NSMCE2: variants seen among roughly 807,000 people sequenced by gnomAD.
NSMCE2 encodes E3 SUMO-protein ligase NSE2.
NSMCE2 carries 24 observed loss-of-function variants against 23.8 expected under a neutral mutation model. The observed-to-expected ratio is 1.01, with a 90% confidence interval of 0.73 to 1.42. The LOEUF is 1.42. Ranked by LOEUF, NSMCE2 falls within the 40% of genes most tolerant of loss-of-function variation. NSMCE2 has a pLI of 0.00. For missense variants in NSMCE2, 284 were observed against 296.5 expected (o/e 0.96, Z 0.31); for synonymous variants, 92 against 94.1 (o/e 0.98, Z 0.13).
intron 5 of NSMCE2, among the ~76,000 whole-genome samples, chr8:125,355,824 A>G (rs1052247555): frequency 2.0e-5 from 3 of 151,310 alleles, no homozygotes; most frequent in African/African-American, 7.3e-5. Flanking sequence ...AATGTTGTCT[A>G]TCATCTGTTT....
intron 5 of NSMCE2, among the ~76,000 whole-genome samples, chr8:125,275,050 C>T (rs1461628922): frequency 6.7e-6 from 1 of 149,602 alleles, no homozygotes; most frequent in Non-Finnish European, 1.5e-5. Flanking sequence ...GAATAATATC[C>T]TAGGTGGCTT....
At chr8:125,138,158 G>A (rs547324007) in intron 3 of NSMCE2, among the ~76,000 whole-genome samples, 1 of 152,282 alleles carries the variant, frequency 6.6e-6, no homozygotes, top group Admixed American at 6.5e-5. Flanking sequence ...GTAAAAGTCA[G>A]CAGTACTAAT....
At chr8:125,313,192 A>AAGAG (rs768202872) in intron 5 of NSMCE2, among the ~76,000 whole-genome samples, 2 of 148,916 alleles carry the variant, frequency 1.3e-5, no homozygotes, top group African/African-American at 4.9e-5. Context: ...AGGAGAAAGA[A>AAGAG]AGAGAGAGAG....
At chr8:125,154,444 G>T (rs994216799) in intron 4 of NSMCE2, among the ~76,000 whole-genome samples, 1 of 151,084 alleles carries the variant, frequency 6.6e-6, no homozygotes, top group African/African-American at 2.4e-5. Flanking sequence ...AGAAAACAGG[G>T]CTACTATACT....
At chr8:125,158,237 C>T (rs1821425588) in intron 4 of NSMCE2, among the ~76,000 whole-genome samples, 2 of 152,118 alleles carry the variant, frequency 1.3e-5, no homozygotes, top group African/African-American at 2.4e-5. Flanking sequence ...AAAGATGTTT[C>T]CATGTTGAAG....
chr8:125,353,977 G>C (rs1232069772), intron 5 of NSMCE2, among the ~76,000 whole-genome samples: 2 of 150,354 alleles, frequency 1.3e-5, no homozygotes, highest in African/African-American at 4.9e-5. Flanking sequence ...TGTCACTCAG[G>C]CTGGAGTGCA....
At position 125,341,897 on chromosome 8, in the gene NSMCE2, G is replaced by GAA. The variant is rs61204647; in HGVS notation, c.419-15298_419-15297dup. 1.1e-3 allele frequency among the ~76,000 whole-genome samples: 88 copies of GAA among 83,238 alleles called. No individual in the cohort carries two copies. The East Asian group carries it at 0.016, about 15-fold the overall frequency. 54.6% of individuals were successfully genotyped at this position (83,238 alleles called of 152,430 possible). ...GCAATGCACTGAGGATCTAGAAATG[G>GAA]AAAAAAAAAAAAAAAAAAAAAAAAA... is the stretch of plus-strand genomic sequence containing the variant. On this transcript the variant is annotated intron_variant, in intron 5 of 7. Coordinates refer to ENST00000287437, the MANE Select transcript of NSMCE2 (RefSeq NM_173685.4).
intron 5 of NSMCE2, among the ~76,000 whole-genome samples, chr8:125,255,073 C>A (rs1826349167): frequency 6.6e-6 from 1 of 152,042 alleles, no homozygotes; most frequent in South Asian, 2.1e-4. Flanking sequence ...TCCTTGTATG[C>A]TCACTCTTGG....
chr8:125,208,450 A>G (rs1261686344), intron 5 of NSMCE2, among the ~76,000 whole-genome samples: 1 of 152,216 alleles, frequency 6.6e-6, no homozygotes, highest in African/African-American at 2.4e-5. Flanking sequence ...AGCATGGGTA[A>G]AATTTATACC....
intron 5 of NSMCE2, among the ~76,000 whole-genome samples, chr8:125,302,301 C>A (rs1021356906): frequency 1.4e-4 from 21 of 152,148 alleles, no homozygotes; most frequent in Admixed American, 5.9e-4. Context: ...CTCCTATGTG[C>A]TAGGCACTGT....
intron 3 of NSMCE2, chr8:125,127,012 G>A (rs1732427633): frequency 6.6e-6 from 1 of 152,200 alleles, no homozygotes; most frequent in Non-Finnish European, 1.5e-5. Context: ...AAATGATAAT[G>A]TACATAACAC....
intron 5 of NSMCE2, 192 bp downstream of exon 5, chr8:125,182,448 G>A: frequency 1.7e-6 from 1 of 595,368 alleles, no homozygotes; most frequent in Non-Finnish European, 3.0e-6. Flanking sequence ...GCTCATTTCT[G>A]AAAGCCAACA....
At chr8:125,329,431 T>A (rs1442960122) in intron 5 of NSMCE2, among the ~76,000 whole-genome samples, 1 of 152,202 alleles carries the variant, frequency 6.6e-6, no homozygotes, top group Non-Finnish European at 1.5e-5. Flanking sequence ...CTGTTTCCTT[T>A]CTTTTTAGTT....
At chr8:125,232,496 TAAAGGTGAC>T (rs1419645318) in intron 5 of NSMCE2, among the ~76,000 whole-genome samples, 4 of 152,246 alleles carry the variant, frequency 2.6e-5, no homozygotes, top group Admixed American at 6.5e-5. Flanking sequence ...CTCAGTATTT[TAAAGGTGAC>T]ACATTTATTA....
intron 3 of NSMCE2, among the ~76,000 whole-genome samples, chr8:125,150,584 G>A (rs973486978): frequency 4.0e-5 from 6 of 151,788 alleles, no homozygotes; most frequent in Non-Finnish European, 5.9e-5. Context: ...GTTTCACCAT[G>A]TTGGCCAGGC....
intron 7 of NSMCE2, among the ~76,000 whole-genome samples, chr8:125,360,918 G>A (rs1813513063): frequency 6.6e-6 from 1 of 152,114 alleles, no homozygotes; most frequent in Admixed American, 6.6e-5. Flanking sequence ...TCAGGCCCTG[G>A]GAAGGCCTCT....
intron 5 of NSMCE2, among the ~76,000 whole-genome samples, chr8:125,192,377 G>A (rs1264296572): frequency 6.7e-6 from 1 of 149,712 alleles, no homozygotes; most frequent in Non-Finnish European, 1.5e-5. Flanking sequence ...TGGCATCTTA[G>A]TGCGTGGTGT....
Position 125,367,118 on chromosome 8 carries a change from G to T in NSMCE2, c.*233G>T. ...ATGTTAAATAAAACTTTGATCATCT[G>T]CAGTGTCCTCCCTGCATGCCTCCTG... On this transcript the variant is annotated 3_prime_UTR_variant, in exon 8 of 8. Coordinates refer to ENST00000287437, the MANE Select transcript of NSMCE2 (RefSeq NM_173685.4). 2.4e-6 allele frequency: 1 copy of T among 421,220 alleles called. No individual in the cohort carries two copies. The allele number at this position is 421,220 out of a possible 1,614,324, so 26.1% of individuals were successfully genotyped here. A position where few individuals can be genotyped will look rare whatever the true frequency, so the allele number is the denominator to read the frequency against.
chr8:125,306,372 CT>C (rs143359332), intron 5 of NSMCE2, among the ~76,000 whole-genome samples: 3,709 of 150,474 alleles, frequency 0.025, 72 homozygotes, highest in Non-Finnish European at 0.037. Flanking sequence ...AAAAAAAAAA[CT>C]GAGCAACAGC....
Sources: gnomAD v4.1 joint callset for allele counts (sites outside exome capture counted in the v4.1 genomes callset) on GRCh38, gnomAD v4.1.1 for gene constraint, MANE v1.5 for transcripts, NCBI Gene and HGNC (gene_info 2026-07-23, HGNC 2026-07-21) for gene names.